CDC14B: variants seen among roughly 807,000 people sequenced by gnomAD.
CDC14B encodes the protein dual specificity protein phosphatase CDC14B.
Under a neutral mutation model 64.2 loss-of-function variants are expected in CDC14B, and 22 were observed. That is an observed-to-expected ratio of 0.34 (90% CI 0.24 to 0.49). CDC14B has a LOEUF of 0.49. Among genes scored for constraint, CDC14B ranks in the 20% least tolerant of loss-of-function variants. The probability of loss-of-function intolerance (pLI) is 0.99; values close to 1 mark genes in which losing one functional copy is unlikely to be tolerated. For missense variants in CDC14B, 498 were observed against 629.9 expected, an observed-to-expected ratio of 0.79 and a Z score of 2.24; for synonymous variants, 191 against 215.8, an observed-to-expected ratio of 0.89 and a Z score of 1.01.
intron 4 of CDC14B, 44 bp downstream of exon 4, chr9:96,562,649 G>A (rs756957213): frequency 1.6e-6 from 2 of 1,220,464 alleles, no homozygotes; most frequent in Non-Finnish European, 2.4e-6. Context: ...AAGAACCACT[G>A]TTGTGTGCAT....
chr9:96,582,434 T>A (rs922860949), intron 1 of CDC14B, among the ~76,000 whole-genome samples: 1 of 152,244 alleles, frequency 6.6e-6, no homozygotes, highest in African/African-American at 2.4e-5. Context: ...AGTTACTTCC[T>A]CCTTCCTTTG....
intron 7 of CDC14B, among the ~76,000 whole-genome samples, chr9:96,538,413 G>A (rs944540616): frequency 6.6e-6 from 1 of 152,104 alleles, no homozygotes; most frequent in African/African-American, 2.4e-5. Context: ...TAAGTGAAAT[G>A]GGTGATTAAG....
intron 1 of CDC14B, among the ~76,000 whole-genome samples, chr9:96,608,863 A>G (rs1847131804): frequency 6.7e-6 from 1 of 150,246 alleles, no homozygotes; most frequent in Admixed American, 6.8e-5. Context: ...AAATGACACT[A>G]TTCCCTGTTG....
At chr9:96,498,552 C>T (rs1281101658), downstream of CDC14B, among the ~76,000 whole-genome samples, 3 of 152,210 alleles carry the variant, frequency 2.0e-5, no homozygotes, top group East Asian at 1.9e-4. Context: ...AAATAGTTTA[C>T]GTGACCTCTT....
At chr9:96,546,525 C>T (rs1007441793) in intron 5 of CDC14B, among the ~76,000 whole-genome samples, 1 of 151,862 alleles carries the variant, frequency 6.6e-6, no homozygotes, top group Admixed American at 6.6e-5. Flanking sequence ...TCTCAGCTCA[C>T]TGCAATCTCC....
chr9:96,564,012 AT>A (rs1367251839), intron 3 of CDC14B, among the ~76,000 whole-genome samples: 1 of 152,258 alleles, frequency 6.6e-6, no homozygotes, highest in Admixed American at 6.5e-5. Context: ...TAATTAAAGC[AT>A]GTTAAAATTC....
intron 9 of CDC14B, among the ~76,000 whole-genome samples, chr9:96,533,115 C>T (rs1258074520): frequency 1.3e-5 from 2 of 152,126 alleles, no homozygotes; most frequent in Admixed American, 6.5e-5. Context: ...TACAGGTATC[C>T]GTCACCACAC....
At chr9:96,598,730 C>G (rs1323256729) in intron 1 of CDC14B, among the ~76,000 whole-genome samples, 1 of 152,160 alleles carries the variant, frequency 6.6e-6, no homozygotes, top group African/African-American at 2.4e-5. Context: ...ACATATACCT[C>G]TAACTCAGCA....
intron 1 of CDC14B, among the ~76,000 whole-genome samples, chr9:96,605,128 G>T (rs1846796483): frequency 6.6e-6 from 1 of 152,028 alleles, no homozygotes; most frequent in Non-Finnish European, 1.5e-5. Flanking sequence ...AAGGATAATG[G>T]TTGAGAGGGA....
Position 96,523,325 on chromosome 9 carries a change from A to G in CDC14B, c.1181T>C (p.Leu394Pro), listed in dbSNP as rs766590882. 5 of 1,614,154 alleles carry G rather than the reference A, an allele frequency of 3.1e-6. No individual in the cohort carries two copies. Among genetic ancestry groups the G allele is most frequent in the East Asian group, 2.2e-5 (1 of 44,882 alleles). ...GQHRAAFSKL[L>P]SGVDDISING... Reference sequence around the variant, plus strand: ...TATGGAAATGTCATCAACGCCAGAGAGAAGTTTGGAGAAGGCTGCTCTGTG... The same window carrying G: ...TATGGAAATGTCATCAACGCCAGAGGGAAGTTTGGAGAAGGCTGCTCTGTG... The change falls in exon 11 of 14, where the codon CTC (leucine) becomes CCC (proline). Residue 394 changes from leucine to proline, a missense_variant. By Grantham distance (98) the Leu-to-Pro change is moderately conservative. Transcript: ENST00000375241.
intron 1 of CDC14B, chr9:96,567,159 C>T (rs1003499118): frequency 2.5e-6 from 1 of 399,350 alleles, no homozygotes; most frequent in African/African-American, 2.1e-5. Flanking sequence ...AGTGCCCAAA[C>T]GCTCCGCAGA....
At chr9:96,572,487 A>AT (rs1844536508) in intron 1 of CDC14B, among the ~76,000 whole-genome samples, 1 of 152,172 alleles carries the variant, frequency 6.6e-6, no homozygotes, top group African/African-American at 2.4e-5. Flanking sequence ...TTTTGTGTTG[A>AT]TAATTGCTGT....
At chr9:96,587,727 G>A (rs1410760305) in intron 1 of CDC14B, among the ~76,000 whole-genome samples, 4 of 152,164 alleles carry the variant, frequency 2.6e-5, no homozygotes, top group Admixed American at 6.5e-5. Flanking sequence ...CGGCACCAAG[G>A]AAGAGTAAGT....
At chr9:96,555,169 G>A (rs1164222789) in intron 4 of CDC14B, among the ~76,000 whole-genome samples, 3 of 152,132 alleles carry the variant, frequency 2.0e-5, no homozygotes, top group Non-Finnish European at 2.9e-5. Flanking sequence ...CCCCTCCCAC[G>A]GTGAACAGGG....
At chr9:96,573,784 T>C (rs966058865) in intron 1 of CDC14B, among the ~76,000 whole-genome samples, 5 of 152,154 alleles carry the variant, frequency 3.3e-5, no homozygotes, top group Non-Finnish European at 5.9e-5. Context: ...TTACATGGAA[T>C]ATGACATGTT....
At chr9:96,560,838 C>T (rs1027640612) in intron 4 of CDC14B, among the ~76,000 whole-genome samples, 18 of 151,080 alleles carry the variant, frequency 1.2e-4, no homozygotes, top group Non-Finnish European at 2.2e-4. Context: ...AACACCAATA[C>T]GTCTGGGAAA....
At chr9:96,606,367 T>C (rs1846929942) in intron 1 of CDC14B, among the ~76,000 whole-genome samples, 3 of 148,816 alleles carry the variant, frequency 2.0e-5, no homozygotes, top group Admixed American at 6.7e-5. Context: ...AAGAATATTA[T>C]TTGTTCTCTG....
chr9:96,541,983 G>T, intron 5 of CDC14B, 91 bp from the exon 6 acceptor site: 3 of 810,524 alleles, frequency 3.7e-6, no homozygotes, highest in South Asian at 3.9e-5. Flanking sequence ...AAAATCAAAT[G>T]TACACTCTGA....
At chr9:96,522,887 C>A (rs936132153) in intron 11 of CDC14B, among the ~76,000 whole-genome samples, 2 of 151,898 alleles carry the variant, frequency 1.3e-5, no homozygotes, top group African/African-American at 4.9e-5. Flanking sequence ...TACTTACTAC[C>A]ACTTAATGTA....
Sources: allele counts gnomAD v4.1 joint callset (sites outside exome capture counted in the v4.1 genomes callset), GRCh38; gene constraint gnomAD v4.1.1; transcripts MANE v1.5; gene names NCBI Gene and HGNC (gene_info 2026-07-23, HGNC 2026-07-21).